Variants in CUL9 observed in about 807,000 individuals in gnomAD.
CUL9 encodes cullin 9.
In CUL9, 79 loss-of-function variants were observed where a neutral mutation model predicts 272.6. The observed-to-expected ratio is 0.29, with a 90% CI of 0.24 to 0.35. The LOEUF (loss-of-function observed/expected upper bound fraction) is 0.35. Among genes scored for constraint, CUL9 ranks in the 10% least tolerant of loss-of-function variants. The pLI, the probability that CUL9 is intolerant of heterozygous loss-of-function variation, is 1.00. For synonymous variants in CUL9, 1,186 were observed against 1,286.5 expected (o/e 0.92, Z 1.67); for missense variants, 2,532 against 3,255.6 (o/e 0.78, Z 5.41).
intron 35 of CUL9, 27 bp from the exon 36 acceptor site, chr6:43,222,289 A>ACG: frequency 6.2e-7 from 1 of 1,606,642 alleles, no homozygotes; most frequent in Non-Finnish European, 8.5e-7. Context: ...AAAACACCCA[A>ACG]TAGCCCTCCC....
At position 43,203,281 on chromosome 6, in the gene CUL9, G is replaced by A; in HGVS notation, c.3849+77G>A. On this transcript the variant is annotated intron_variant, in intron 18 of 40. Transcript: ENST00000252050. The surrounding 1 kb of genome is among the most constrained non-coding windows in gnomAD (Gnocchi z 5.0). ...TTCTCCTTGATCTGCTTGGGAGATG[G>A]CCCAGGACCTGTTGAGTCCCAGAGA... The A allele has an allele frequency of 6.3e-7, 1 of 1,595,890 alleles. No homozygotes were observed. Among genetic ancestry groups the A allele is most frequent in the Admixed American group, 1.7e-5 (1 of 59,854 alleles).
chr6:43,223,222 G>A lies in CUL9; in HGVS notation c.7151-42G>A. The stretch of plus-strand genomic sequence containing the variant: ...GTTTGTTGGAGGAAGGAATGGATGA[G>A]AATGAGAAGGGAGGGAGCCTCTGTG... On this transcript the variant is annotated intron_variant, in intron 38 of 40. Transcript: ENST00000252050. The surrounding 1 kb of genome is among the most constrained non-coding windows in gnomAD (Gnocchi z 4.1). 1 of 1,561,774 alleles carries A rather than the reference G, an allele frequency of 6.4e-7. No homozygotes were observed. The highest frequency in any genetic ancestry group is 8.7e-7 in the Non-Finnish European group (1 of 1,149,000).
intron 31 of CUL9, 47 bp downstream of exon 31, chr6:43,216,550 C>T (rs376413047): frequency 2.2e-4 from 336 of 1,503,646 alleles, no homozygotes; most frequent in Non-Finnish European, 2.7e-4. Flanking sequence ...TCTGCCCTAC[C>T]CTAACAAAAT....
At chr6:43,205,942 C>G (rs1775010519) in intron 24 of CUL9, 65 bp from the exon 25 acceptor site, 1 of 1,430,630 alleles carries the variant, frequency 7.0e-7, no homozygotes, top group Admixed American at 1.7e-5. Context: ...CCTACATTCT[C>G]GAGGGGGAGG....
chr6:43,203,349 G>T lies in CUL9; in HGVS notation c.3850-68G>T. 1 of 1,604,746 alleles carries T rather than the reference G, an allele frequency of 6.2e-7. No homozygotes were observed. The highest frequency in any genetic ancestry group is 2.2e-5 in the East Asian group (1 of 44,780). On this transcript the variant is annotated intron_variant, in intron 18 of 40. Coordinates refer to ENST00000252050, the MANE Select transcript of CUL9 (RefSeq NM_015089.4). The surrounding 1 kb of genome is among the most constrained non-coding windows in gnomAD (Gnocchi z 5.0). ...CAGTTCTAGGGAGCTCAGGGCAGGA[G>T]GCTTGGCTTTGGTAGTACTTAGTGG...
At chr6:43,197,875 T>C (rs1237444444) in intron 11 of CUL9, among the ~76,000 whole-genome samples, 1 of 152,206 alleles carries the variant, frequency 6.6e-6, no homozygotes, top group African/African-American at 2.4e-5. Context: ...ACATTAGATA[T>C]TGATACTGGG....
intron 36 of CUL9, 70 bp from the exon 37 acceptor site, chr6:43,222,461 G>GGGGGGGGGGC: frequency 3.0e-6 from 4 of 1,343,752 alleles, no homozygotes; most frequent in African/African-American, 1.4e-5. Context: ...AGGGGGGTGG[G>GGGGGGGGGGC]CTGAAGGTCT....
At chr6:43,216,074 G>A in intron 30 of CUL9, 84 bp from the exon 31 acceptor site, 4 of 1,292,780 alleles carry the variant, frequency 3.1e-6, no homozygotes. Context: ...GCTCAAAGAG[G>A]GAGCTGGGGG....
rs751960943 is a variant in CUL9 at position 43,188,541 on chromosome 6, G to A, written c.2006G>A (p.Arg669Gln). The A allele has an allele frequency of 2.5e-5, 40 of 1,609,796 alleles. No homozygotes were observed. The highest frequency in any genetic ancestry group is 1.5e-4 in the South Asian group (14 of 90,544). Residue 669 changes from arginine (R) to glutamine (Q), a missense_variant, in exon 8 of 41, where the codon CGG becomes CAG. By Grantham distance (43) the Arg-to-Gln change is conservative. This residue lies in a region of CUL9 where 2,218 missense variants were observed against 2,788.6 expected (regional missense o/e 0.80). Coordinates refer to ENST00000252050, the MANE Select transcript of CUL9 (RefSeq NM_015089.4). ...EAASEMARALRGPGPRSSLDQ... is the reference protein window; with the variant it reads ...EAASEMARALQGPGPRSSLDQ... ...ATTTCAGAAATGGCCAGAGCCTTGC[G>A]GGGTCCCGGTCCTCGCAGCTCCCTG...
At position 43,216,204 on chromosome 6, in the gene CUL9, C is replaced by G. The variant is rs747840236; in HGVS notation, c.5983C>G (p.Arg1995Gly). The G allele has an allele frequency of 1.9e-6, 3 of 1,613,166 alleles. No homozygotes were observed. The highest frequency in any genetic ancestry group is 1.3e-5 in the African/African-American group (1 of 74,914). Residue 1995 changes from arginine (R) to glycine (G), a missense_variant, in exon 31 of 41, where the codon CGC (arginine) becomes GGC (glycine). Transcript: ENST00000252050. The part of the protein sequence containing the change: ...TLASLQLPAG[R>G]TMSPQEVEGL... ...GGCATCTCTACAGCTGCCTGCAGGC[C>G]GCACCATGAGCCCCCAGGAAGTAGA...
chr6:43,206,282 A>G lies in CUL9; in HGVS notation c.5023-39A>G. The G allele has an allele frequency of 6.2e-7, 1 of 1,612,520 alleles. No homozygotes were observed. The highest frequency in any genetic ancestry group is 8.5e-7 in the Non-Finnish European group (1 of 1,178,898). On this transcript the variant is annotated intron_variant, in intron 25 of 40. Transcript: ENST00000252050. The surrounding 1 kb of genome is among the most constrained non-coding windows in gnomAD (Gnocchi z 4.8). ...GAGTGAGAGAAGACTAGACCAAGGA[A>G]GGGAGCCCAAGGGCCCTTGAAATCC...
intron 1 of CUL9, among the ~76,000 whole-genome samples, chr6:43,182,851 A>T (rs79492059): frequency 0.066 from 10,106 of 152,208 alleles, 432 homozygotes; most frequent in Admixed American, 0.095. Flanking sequence ...GCACTGCTTC[A>T]TATCACGCAT....
chr6:43,196,357 C>A, intron 10 of CUL9, 92 bp downstream of exon 10: 1 of 1,268,738 alleles, frequency 7.9e-7, no homozygotes, highest in Non-Finnish European at 1.1e-6. Flanking sequence ...ACAGAAATTC[C>A]CCTCACGCTG....
chr6:43,213,185 G>A lies in CUL9; in HGVS notation c.5249G>A (p.Arg1750Gln), dbSNP rs778844333. Residue 1750 changes from arginine (R) to glutamine (Q), a missense_variant, in exon 27 of 41, where the codon CGG becomes CAG. Transcript: ENST00000252050. This position sits in a 1 kb window ranked among gnomAD's most constrained non-coding sequence, Gnocchi z 5.7. ...CCAGTCCTGGACATGGGACCACATC[G>A]GCGACTGCAGTGGACGTGGCTGGGC... ...NHPVLDMGPH[R>Q]RLQWTWLGRA... 8.1e-6 allele frequency: 13 copies of A among 1,614,112 alleles called. 1 individual carries two copies. Among genetic ancestry groups the A allele is most frequent in the East Asian group, 2.2e-5 (1 of 44,872 alleles).
intron 29 of CUL9, among the ~76,000 whole-genome samples, chr6:43,214,536 C>T (rs2150623775): frequency 1.3e-5 from 2 of 152,254 alleles, no homozygotes. Context: ...CGCGGTGGCT[C>T]ATGCCTGTAA....
intron 12 of CUL9, 27 bp downstream of exon 12, chr6:43,198,882 A>G: frequency 1.9e-6 from 3 of 1,601,124 alleles, no homozygotes; most frequent in Non-Finnish European, 2.6e-6. Context: ...GGCACCATGC[A>G]TTGGGACGAG....
In CUL9 at chr6:43,216,253, G is replaced by A. The variant is rs975236203; in HGVS notation, c.6032G>A (p.Arg2011His). 32 of 1,613,676 alleles carry A rather than the reference G, an allele frequency of 2.0e-5. 1 individual carries two copies. The highest frequency in any genetic ancestry group is 4.4e-5 in the South Asian group (4 of 91,046). The stretch of plus-strand genomic sequence containing the variant: ...GAAGGGTTGATGAAGCAGACGGTGC[G>A]TCAGGTGCAGGAGACGCTGAACTTA... The part of the protein sequence containing the change: ...EVEGLMKQTV[R>H]QVQETLNLEP... The change falls in exon 31 of 41, where the codon CGT becomes CAT. Residue 2011 changes from arginine (R) to histidine (H), a missense_variant. By Grantham distance (29) the Arg-to-His change is conservative. This residue lies in a region of CUL9 where 2,218 missense variants were observed against 2,788.6 expected (regional missense o/e 0.80). Coordinates refer to ENST00000252050, the MANE Select transcript of CUL9 (RefSeq NM_015089.4).
Position 43,187,439 on chromosome 6 carries a change from G to C in CUL9, c.1581G>C (p.Glu527Asp). 1 of 1,613,778 alleles carries C rather than the reference G, an allele frequency of 6.2e-7. No individual in the cohort carries two copies. Among genetic ancestry groups the C allele is most frequent in the Non-Finnish European group, 8.5e-7 (1 of 1,179,834 alleles). ...AGAATCTTTGGAAGAACCTGGATGAGGTATTATAGGTCTGAGATACCTGGG... is the reference window on the plus strand; with the variant it reads ...AGAATCTTTGGAAGAACCTGGATGACGTATTATAGGTCTGAGATACCTGGG... ...IFQNLWKNLD[E>D]TLGEKALGEI... Residue 527 changes from glutamate (E) to aspartate (D), a missense_variant and splice_region_variant, in exon 6 of 41, where the codon GAG becomes GAC. Physicochemically the swap from Glu to Asp is conservative, Grantham distance 45. This residue lies in a region of CUL9 where 2,218 missense variants were observed against 2,788.6 expected (regional missense o/e 0.80). Transcript: ENST00000252050.
chr6:43,220,339 T>C lies in CUL9; in HGVS notation c.6283-120T>C, dbSNP rs1776247135. 5.0e-6 allele frequency: 6 copies of C among 1,191,496 alleles called. No homozygotes were observed. Among genetic ancestry groups the C allele is most frequent in the South Asian group, 1.4e-5 (1 of 70,244 alleles). 73.8% of individuals were successfully genotyped at this position (1,191,496 alleles called of 1,614,324 possible). ...GTTGATCTAGAGGCAGGCTTGTTTCTGGCCTTCCACGTTGTAGTGGAGGGG... is the reference window on the plus strand; with the variant it reads ...GTTGATCTAGAGGCAGGCTTGTTTCCGGCCTTCCACGTTGTAGTGGAGGGG... On this transcript the variant is annotated intron_variant, in intron 31 of 40. Coordinates refer to ENST00000252050, the MANE Select transcript of CUL9 (RefSeq NM_015089.4). This position sits in a 1 kb window ranked among gnomAD's most constrained non-coding sequence, Gnocchi z 4.9.
Sources: gnomAD v4.1 joint callset for allele counts (sites outside exome capture counted in the v4.1 genomes callset) on GRCh38, gnomAD v4.1.1 for gene constraint, gnomAD v4.1.1 regional missense constraint, Gnocchi (gnomAD v3.1) non-coding constraint, MANE v1.5 for transcripts, NCBI Gene and HGNC (gene_info 2026-07-23, HGNC 2026-07-21) for gene names.